The following RBFOX1 variants were observed in gnomAD, a reference collection of about 807,000 sequenced individuals.
RBFOX1 encodes the protein RNA binding fox-1 homolog 1.
Under a neutral mutation model 57.7 loss-of-function variants are expected in RBFOX1, and 8 were observed. The observed-to-expected ratio is 0.14, with a 90% CI of 0.08 to 0.25. RBFOX1 has a LOEUF of 0.25. Among genes scored for constraint, RBFOX1 ranks in the 10% least tolerant of loss-of-function variants. The pLI, the probability that RBFOX1 is intolerant of heterozygous loss-of-function variation, is 1.00. For missense variants in RBFOX1, 611 were observed against 548.5 expected (o/e 1.11, Z -1.14); for synonymous variants, 326 against 222.4 (o/e 1.47, Z -4.15).
chr16:7,705,316 C>G (rs1308714291), intron 14 of RBFOX1, among the ~76,000 whole-genome samples: 2 of 151,974 alleles, frequency 1.3e-5, no homozygotes, highest in African/African-American at 2.4e-5. Flanking sequence ...ACCATCGTGG[C>G]TAACACAGTG....
chr16:6,314,078 A>G (rs1165865398), intron 1 of RBFOX1, among the ~76,000 whole-genome samples: 1 of 152,162 alleles, frequency 6.6e-6, no homozygotes, highest in African/African-American at 2.4e-5. Context: ...TTGGACTCAG[A>G]TGGACATGAA....
chr16:7,510,453 T>A, intron 4 of RBFOX1: 1 of 673,058 alleles, frequency 1.5e-6, no homozygotes, highest in Non-Finnish European at 1.8e-6. Flanking sequence ...AGGAGAGGAG[T>A]TTTGGTGAAG....
intron 2 of RBFOX1, among the ~76,000 whole-genome samples, chr16:6,368,173 G>A (rs1419332019): frequency 1.3e-5 from 2 of 152,124 alleles, no homozygotes; most frequent in South Asian, 4.1e-4. Flanking sequence ...AGCTTCAAGG[G>A]ATTATGCATA....
chr16:6,278,958 C>G (rs2076107033), intron 1 of RBFOX1, among the ~76,000 whole-genome samples: 2 of 151,770 alleles, frequency 1.3e-5, no homozygotes, highest in Admixed American at 1.3e-4. Flanking sequence ...GAGTTTGAAA[C>G]AAGGTTTGTG....
intron 2 of RBFOX1, among the ~76,000 whole-genome samples, chr16:6,411,993 G>T (rs573639606): frequency 2.0e-5 from 3 of 152,162 alleles, no homozygotes; most frequent in Admixed American, 2.0e-4. Context: ...TTAGCTGGGT[G>T]TAGTGGCAGG....
chr16:7,325,229 T>A lies in RBFOX1; in HGVS notation c.28-192918T>A, dbSNP rs191536545. ...AACACTGCAGTATACTGTACTTATT[T>A]AAATCTCTGGACCACTCCATGTGTT... On this transcript the variant is annotated intron_variant, in intron 4 of 15. Coordinates refer to ENST00000550418, the MANE Select transcript of RBFOX1 (RefSeq NM_018723.4). 1.3e-3 allele frequency among the ~76,000 whole-genome samples: 195 copies of A among 152,322 alleles called. 1 individual carries two copies. Among genetic ancestry groups the A allele is most frequent in the African/African-American group, 4.5e-3 (187 of 41,578 alleles).
chr16:6,155,164 A>C (rs1296599482), intron 1 of RBFOX1, among the ~76,000 whole-genome samples: 1 of 152,214 alleles, frequency 6.6e-6, no homozygotes, highest in East Asian at 1.9e-4. Flanking sequence ...AAAAGGAAAA[A>C]GTAGTCCGGA....
chr16:6,822,674 C>T (rs114181234), intron 3 of RBFOX1, among the ~76,000 whole-genome samples: 1,891 of 152,252 alleles, frequency 0.012, 12 homozygotes, highest in African/African-American at 0.021. Context: ...CACTTTTACA[C>T]GCTATGGTGT....
chr16:7,266,295 A>C (rs572904233), intron 4 of RBFOX1, among the ~76,000 whole-genome samples: 1 of 151,808 alleles, frequency 6.6e-6, no homozygotes, highest in African/African-American at 2.4e-5. Context: ...TGGTGATTTT[A>C]AAGTGTGTGG....
chr16:7,065,837 T>G (rs527530027), intron 4 of RBFOX1, among the ~76,000 whole-genome samples: 1 of 152,326 alleles, frequency 6.6e-6, no homozygotes, highest in East Asian at 1.9e-4. Context: ...GTAATCACCA[T>G]TCTACTCTTG....
chr16:7,114,278 G>C (rs1259233241), intron 4 of RBFOX1, among the ~76,000 whole-genome samples: 11 of 152,084 alleles, frequency 7.2e-5, no homozygotes, highest in Non-Finnish European at 1.6e-4. Context: ...ACACATTTTG[G>C]AGATTTTATA....
chr16:7,392,293 C>T (rs1433770731), intron 4 of RBFOX1, among the ~76,000 whole-genome samples: 3 of 152,108 alleles, frequency 2.0e-5, no homozygotes, highest in Admixed American at 6.5e-5. Flanking sequence ...TGTATAGCAC[C>T]TTGCATTTCC....
chr16:5,799,252 C>T (rs1045494228), intron 3 of RBFOX1, among the ~76,000 whole-genome samples: 1 of 151,964 alleles, frequency 6.6e-6, no homozygotes, highest in Non-Finnish European at 1.5e-5. Context: ...GGAAACTGCC[C>T]CCATGACTCA....
At chr16:7,604,602 G>C (rs2095209052) in intron 9 of RBFOX1, among the ~76,000 whole-genome samples, 1 of 152,184 alleles carries the variant, frequency 6.6e-6, no homozygotes, top group Non-Finnish European at 1.5e-5. Flanking sequence ...GGGATAGACA[G>C]ATTATAGATA....
intron 1 of RBFOX1, among the ~76,000 whole-genome samples, chr16:5,320,562 G>C (rs150101032): frequency 1.6e-3 from 246 of 152,354 alleles, no homozygotes; most frequent in African/African-American, 5.4e-3. Flanking sequence ...GAGCTGCCAT[G>C]TTTTCTGCTG....
chr16:7,451,922 T>A (rs148678713), intron 4 of RBFOX1, among the ~76,000 whole-genome samples: 10 of 152,258 alleles, frequency 6.6e-5, no homozygotes, highest in African/African-American at 2.2e-4. Context: ...CAACGATTTG[T>A]ACCATCTGGG....
intron 3 of RBFOX1, among the ~76,000 whole-genome samples, chr16:6,888,775 C>T (rs765392452): frequency 1.2e-4 from 19 of 152,070 alleles, no homozygotes; most frequent in Admixed American, 1.1e-3. Flanking sequence ...AAAGATTAAC[C>T]GAAGAATTTT....
chr16:7,283,764 G>T (rs1274386431), intron 4 of RBFOX1, among the ~76,000 whole-genome samples: 1 of 152,204 alleles, frequency 6.6e-6, no homozygotes, highest in Non-Finnish European at 1.5e-5. Context: ...CATGTCATCA[G>T]ATCATTGCAT....
chr16:6,875,285 C>T (rs773152427), intron 3 of RBFOX1, among the ~76,000 whole-genome samples: 2 of 152,184 alleles, frequency 1.3e-5, no homozygotes, highest in Non-Finnish European at 1.5e-5. Flanking sequence ...CTAAACAATA[C>T]AACTCGTTAT....
Sources: allele counts gnomAD v4.1 joint callset (sites outside exome capture counted in the v4.1 genomes callset), GRCh38; gene constraint gnomAD v4.1.1; transcripts MANE v1.5; gene names NCBI Gene and HGNC (gene_info 2026-07-23, HGNC 2026-07-21).